Variants in TTC9 observed in about 807,000 individuals in gnomAD.
TTC9 encodes tetratricopeptide repeat protein 9A.
A neutral mutation model predicts 22.9 loss-of-function variants in TTC9; 13 were observed. The observed-to-expected ratio is 0.57, with a 90% CI of 0.37 to 0.90. The LOEUF (loss-of-function observed/expected upper bound fraction) is 0.90, where lower values mean the gene tolerates loss of function less well. TTC9 is among the 40% of genes least tolerant of loss of function. The pLI, the probability that TTC9 is intolerant of heterozygous loss-of-function variation, is 0.01. For missense variants in TTC9, 280 were observed against 291.8 expected (o/e 0.96, Z 0.29); for synonymous variants, 148 against 133.2 (o/e 1.11, Z -0.77).
At position 70,671,501 on chromosome 14, in the gene TTC9, C is replaced by G; in HGVS notation, c.*346C>G. 4.0e-6 allele frequency: 1 copy of G among 251,406 alleles called. No homozygotes were observed. Among genetic ancestry groups the G allele is most frequent in the South Asian group, 5.2e-5 (1 of 19,076 alleles). The allele number at this position is 251,406 out of a possible 1,614,324, so 15.6% of individuals were successfully genotyped here. On this transcript the variant is annotated 3_prime_UTR_variant, in exon 3 of 3. Coordinates refer to ENST00000256367, the MANE Select transcript of TTC9 (RefSeq NM_015351.2). ...TGCTTCTGACAGAGGCGGAGCCTGGCAAGTGTACCATCCCACAGGCAGCAG... is the reference window on the plus strand; with the variant it reads ...TGCTTCTGACAGAGGCGGAGCCTGGGAAGTGTACCATCCCACAGGCAGCAG...
At position 70,671,364 on chromosome 14, in the gene TTC9, A is replaced by C. The variant is rs1355953063; in HGVS notation, c.*209A>C. 1.0e-5 allele frequency: 5 copies of C among 486,538 alleles called. No homozygotes were observed. The East Asian group carries it at 2.0e-4, about 19-fold the overall frequency. 30.1% of individuals were successfully genotyped at this position (486,538 alleles called of 1,614,324 possible). A position where few individuals can be genotyped will look rare whatever the true frequency, so the allele number is the denominator to read the frequency against. ...ATCTGGTAGGTCGCCCAGACAATGG[A>C]GACATCCTCTCCTCTAGCAGGTCAG... On this transcript the variant is annotated 3_prime_UTR_variant, in exon 3 of 3. Transcript: ENST00000256367.
chr14:70,654,263 T>G (rs574233388), intron 1 of TTC9, among the ~76,000 whole-genome samples: 1 of 152,148 alleles, frequency 6.6e-6, no homozygotes, highest in East Asian at 1.9e-4. Context: ...CAGCTCTCTC[T>G]GAAGGGATGA....
chr14:70,665,192 G>A lies in TTC9; in HGVS notation c.407-2372G>A, dbSNP rs550292430. Reference sequence around the variant, plus strand: ...TCTGTTCAAAGAGGGAGGGCTGGACGGGAAGAGGGCTGCTAGGCCCGGTCA... The same window carrying A: ...TCTGTTCAAAGAGGGAGGGCTGGACAGGAAGAGGGCTGCTAGGCCCGGTCA... On this transcript the variant is annotated intron_variant, in intron 1 of 2. Coordinates refer to ENST00000256367, the MANE Select transcript of TTC9 (RefSeq NM_015351.2). Among the ~76,000 whole-genome samples, 288 of 152,326 alleles carry A rather than the reference G, an allele frequency of 1.9e-3. 2 individuals carry two copies. The highest frequency in any genetic ancestry group is 3.4e-3 in the Middle Eastern group (1 of 294).
Position 70,642,520 on chromosome 14 carries a change from TAC to T in TTC9, c.393_394del (p.Tyr131Ter). The T allele has an allele frequency of 6.5e-7, 1 of 1,540,630 alleles. No homozygotes were observed. The highest frequency in any genetic ancestry group is 8.8e-7 in the Non-Finnish European group (1 of 1,142,746). On this transcript the variant is annotated frameshift_variant, in exon 1 of 3. Transcript: ENST00000256367. LOFTEE classifies it high-confidence loss of function. ...KTVEAIEIDC[Y>X]NSLAACLLQA... ...GGTGGAAGCCATCGAGATCGACTGT[TAC>T]AACAGCCTGGCAGGTGAGCCGCGCC...
At position 70,641,921 on chromosome 14, in the gene TTC9, A is replaced by C. The variant is rs1196840869; in HGVS notation, c.-209A>C. 3 of 181,928 alleles carry C rather than the reference A, an allele frequency of 1.6e-5. No homozygotes were observed. Among genetic ancestry groups the C allele is most frequent in the Non-Finnish European group, 3.2e-5 (3 of 94,290 alleles). 11.3% of individuals were successfully genotyped at this position (181,928 alleles called of 1,614,324 possible). Reference sequence around the variant, plus strand: ...GAGGCGGGGGAGGGGCCGGCGTCCGAGGCGGCGGCGGCGGCGGCTGGAGCA... The same window carrying C: ...GAGGCGGGGGAGGGGCCGGCGTCCGCGGCGGCGGCGGCGGCGGCTGGAGCA... On this transcript the variant is annotated 5_prime_UTR_variant, in exon 1 of 3. Transcript: ENST00000256367.
Position 70,667,595 on chromosome 14 carries a change from T to C in TTC9, c.438T>C (p.Tyr146=), listed in dbSNP as rs1187014679. 5 of 1,613,902 alleles carry C rather than the reference T, an allele frequency of 3.1e-6. No homozygotes were observed. The highest frequency in any genetic ancestry group is 1.3e-5 in the African/African-American group (1 of 74,936). Residue 146 remains tyrosine (Y), a synonymous_variant, in exon 2 of 3, where the codon TAT becomes TAC. Coordinates refer to ENST00000256367, the MANE Select transcript of TTC9 (RefSeq NM_015351.2). ...ACLLQAELVN[Y]ERVKEYCLKV... ...TGCTCCAGGCTGAGCTGGTAAACTATGAACGAGTCAAGGAATATTGCCTCA... is the reference window on the plus strand; with the variant it reads ...TGCTCCAGGCTGAGCTGGTAAACTACGAACGAGTCAAGGAATATTGCCTCA...
chr14:70,658,866 A>G (rs1481860531), intron 1 of TTC9, among the ~76,000 whole-genome samples: 23 of 152,220 alleles, frequency 1.5e-4, no homozygotes, highest in Admixed American at 1.5e-3. Flanking sequence ...ATGCAATACT[A>G]CAGAGCAATT....
chr14:70,670,926 C>T (rs922559324), intron 2 of TTC9, 150 bp from the exon 3 acceptor site: 3 of 622,000 alleles, frequency 4.8e-6, no homozygotes, highest in Non-Finnish European at 8.3e-6. Flanking sequence ...CATCTAGTTG[C>T]CCTCTCAGCC....
At chr14:70,649,845 A>G (rs1885955197) in intron 1 of TTC9, among the ~76,000 whole-genome samples, 3 of 152,070 alleles carry the variant, frequency 2.0e-5, no homozygotes, top group Admixed American at 2.0e-4. Flanking sequence ...CTTCCATTCC[A>G]TGGCCATCCT....
In TTC9 at chr14:70,673,599, C is replaced by T. The variant is rs1386863780; in HGVS notation, c.*2444C>T. 2.0e-5 allele frequency: 3 copies of T among 151,198 alleles called. No homozygotes were observed. The highest frequency in any genetic ancestry group is 4.4e-5 in the Non-Finnish European group (3 of 67,864). The allele number at this position is 151,198 out of a possible 1,614,324, so 9.4% of individuals were successfully genotyped here. On this transcript the variant is annotated 3_prime_UTR_variant, in exon 3 of 3. Coordinates refer to ENST00000256367, the MANE Select transcript of TTC9 (RefSeq NM_015351.2). ...CCCACCCCCACCCCCATTCCCAAGC[C>T]TCCAACTTAGAACGTTTGTGATTTG...
At position 70,673,281 on chromosome 14, in the gene TTC9, A is replaced by G. The variant is rs866570601; in HGVS notation, c.*2126A>G. 1 of 152,222 alleles carries G rather than the reference A, an allele frequency of 6.6e-6. No homozygotes were observed. Among genetic ancestry groups the G allele is most frequent in the Non-Finnish European group, 1.5e-5 (1 of 68,048 alleles). 9.4% of individuals were successfully genotyped at this position (152,222 alleles called of 1,614,324 possible). Reference sequence around the variant, plus strand: ...AGATGCCCCACCACGGCAGGATCCAATCACAGCCGAGGGGCCCAGAAGAGA... The same window carrying G: ...AGATGCCCCACCACGGCAGGATCCAGTCACAGCCGAGGGGCCCAGAAGAGA... On this transcript the variant is annotated 3_prime_UTR_variant, in exon 3 of 3. Coordinates refer to ENST00000256367, the MANE Select transcript of TTC9 (RefSeq NM_015351.2).
At chr14:70,652,975 A>G (rs1352214891) in intron 1 of TTC9, among the ~76,000 whole-genome samples, 1 of 152,242 alleles carries the variant, frequency 6.6e-6, no homozygotes, top group Non-Finnish European at 1.5e-5. Flanking sequence ...CATAATGGAA[A>G]CAGGTCTTTA....
At chr14:70,666,284 T>A (rs1886214490) in intron 1 of TTC9, among the ~76,000 whole-genome samples, 1 of 152,144 alleles carries the variant, frequency 6.6e-6, no homozygotes, top group Non-Finnish European at 1.5e-5. Flanking sequence ...TACTCAAAGA[T>A]GGCTGTTTGT....
intron 2 of TTC9, among the ~76,000 whole-genome samples, chr14:70,669,119 G>C (rs912848273): frequency 6.6e-6 from 1 of 152,144 alleles, no homozygotes; most frequent in Admixed American, 6.5e-5. Context: ...TTGCGCCACT[G>C]CACTCCAGCC....
At chr14:70,666,439 G>A (rs1886217496) in intron 1 of TTC9, among the ~76,000 whole-genome samples, 3 of 152,196 alleles carry the variant, frequency 2.0e-5, no homozygotes, top group African/African-American at 7.2e-5. Context: ...GAACTGCAGA[G>A]ACAAATATAC....
Position 70,642,180 on chromosome 14 carries a change from CGCGGCCGGAGAGGGG to C in TTC9, c.52_66del (p.Ala18_Gly22del), listed in dbSNP as rs1409865262. On this transcript the variant is annotated inframe_deletion, in exon 1 of 3. Coordinates refer to ENST00000256367, the MANE Select transcript of TTC9 (RefSeq NM_015351.2). Reference sequence around the variant, plus strand: ...GGGCCAAGGGGAACCCGAGCCCGCCCGCGGCCGGAGAGGGGCAGCGGCCACCGCCGCCGCTGTGCG... The same window carrying C: ...GGGCCAAGGGGAACCCGAGCCCGCCCCAGCGGCCACCGCCGCCGCTGTGCG... 1 of 1,209,520 alleles carries C rather than the reference CGCGGCCGGAGAGGGG, an allele frequency of 8.3e-7. No homozygotes were observed. The highest frequency in any genetic ancestry group is 4.5e-5 in the Admixed American group (1 of 22,188). The allele number at this position is 1,209,520 out of a possible 1,614,324, so 74.9% of individuals were successfully genotyped here.
rs1241112565 is a variant in TTC9 at position 70,642,434 on chromosome 14, G to A, written c.305G>A (p.Arg102His). 4 of 1,570,074 alleles carry A rather than the reference G, an allele frequency of 2.5e-6. No homozygotes were observed. Among genetic ancestry groups the A allele is most frequent in the Non-Finnish European group, 3.4e-6 (4 of 1,159,476 alleles). Residue 102 changes from arginine (R) to histidine (H), a missense_variant, in exon 1 of 3, where the codon CGC (arginine) becomes CAC (histidine). Coordinates refer to ENST00000256367, the MANE Select transcript of TTC9 (RefSeq NM_015351.2). ...CCCGGGGAACGGGAGCGGGACTCGC[G>A]CCCGGCCTCCCCGGCTGGGGCCCTG... Reference protein sequence around the residue: ...PPPGERERDSRPASPAGALKP... With the variant: ...PPPGERERDSHPASPAGALKP...
rs765184388 is a variant in TTC9, at chr14:70,671,167, C to G, written c.*12C>G. On this transcript the variant is annotated 3_prime_UTR_variant, in exon 3 of 3. Coordinates refer to ENST00000256367, the MANE Select transcript of TTC9 (RefSeq NM_015351.2). ...AAGAAGCCATGTAACCAGGAAGCAG[C>G]TCCAGAGCTGCGCCCACGCCTGACC... 6.2e-7 allele frequency: 1 copy of G among 1,612,618 alleles called. No individual in the cohort carries two copies. The highest frequency in any genetic ancestry group is 1.3e-5 in the African/African-American group (1 of 74,894).
At chr14:70,642,572 TTC>T in intron 1 of TTC9, 37 bp downstream of exon 1, 1 of 1,464,676 alleles carries the variant, frequency 6.8e-7, no homozygotes, top group South Asian at 1.2e-5. Flanking sequence ...GCGGTCCCCG[TTC>T]TTCGGCCCGG....
Sources: allele counts gnomAD v4.1 joint callset (sites outside exome capture counted in the v4.1 genomes callset), GRCh38; gene constraint gnomAD v4.1.1; transcripts MANE v1.5; gene names NCBI Gene and HGNC (gene_info 2026-07-23, HGNC 2026-07-21).